Variants in TCF4 observed in about 807,000 individuals in gnomAD.
TCF4 encodes the protein SL3-3 enhancer factor 2.
TCF4 carries 3 observed loss-of-function variants against 82.1 expected under a neutral mutation model. The observed-to-expected ratio is 0.04, with a 90% CI of 0.02 to 0.09. TCF4 has a LOEUF of 0.09. TCF4 is among the 10% of genes least tolerant of loss of function. TCF4 has a pLI of 1.00. For missense variants in TCF4, 518 were observed against 852.7 expected (o/e 0.61, Z 4.89); for synonymous variants, 276 against 309.6 (o/e 0.89, Z 1.14).
At chr18:55,425,796 C>A (rs1389204708) in intron 5 of TCF4, among the ~76,000 whole-genome samples, 1 of 152,104 alleles carries the variant, frequency 6.6e-6, no homozygotes, top group Non-Finnish European at 1.5e-5. Flanking sequence ...ACAGAGATTT[C>A]ATTTCTTTTG....
chr18:55,302,074 G>A (rs892291444), intron 8 of TCF4, among the ~76,000 whole-genome samples: 7 of 152,180 alleles, frequency 4.6e-5, no homozygotes, highest in Non-Finnish European at 8.8e-5. Context: ...TATTAACTCC[G>A]TCCGTTTGCC....
chr18:55,550,280 G>A (rs1437793750), intron 3 of TCF4: 1 of 152,132 alleles, frequency 6.6e-6, no homozygotes, highest in Non-Finnish European at 1.5e-5. Context: ...CAAACTGGTT[G>A]CTACTTTAAT....
At chr18:55,454,259 C>T (rs1471478770) in intron 5 of TCF4, among the ~76,000 whole-genome samples, 1 of 152,122 alleles carries the variant, frequency 6.6e-6, no homozygotes, top group African/African-American at 2.4e-5. Context: ...TGGCCCGTTT[C>T]CTATCTTGGC....
At chr18:55,322,092 C>CTTTTTTTTTTT (rs374155330) in intron 8 of TCF4, 1 of 920,770 alleles carries the variant, frequency 1.1e-6, no homozygotes. Flanking sequence ...TTTTTCTTTT[C>CTTTTTTTTTTT]TTTTTTTTTT....
chr18:55,632,168 A>G (rs1432654815), intron 1 of TCF4, among the ~76,000 whole-genome samples: 1 of 152,066 alleles, frequency 6.6e-6, no homozygotes. Context: ...CCTCCCGACT[A>G]GCTGGGACTA....
chr18:55,327,320 C>G (rs952947317), intron 8 of TCF4, among the ~76,000 whole-genome samples: 4 of 151,934 alleles, frequency 2.6e-5, no homozygotes, highest in Admixed American at 2.0e-4. Context: ...AGATAAAGCA[C>G]AAATCATCTC....
At chr18:55,515,426 C>T (rs527907601) in intron 3 of TCF4, among the ~76,000 whole-genome samples, 7 of 152,262 alleles carry the variant, frequency 4.6e-5, no homozygotes, top group African/African-American at 1.2e-4. Context: ...ACTACAGTTC[C>T]GTCAGGAAGA....
chr18:55,400,975 A>G, intron 6 of TCF4: 1 of 1,289,038 alleles, frequency 7.8e-7, no homozygotes, highest in Non-Finnish European at 1.0e-6. Context: ...AAGAAAACAA[A>G]AGCCTCCCCT....
intron 3 of TCF4, among the ~76,000 whole-genome samples, chr18:55,512,972 G>A (rs2146323457): frequency 6.6e-6 from 1 of 152,244 alleles, no homozygotes; most frequent in South Asian, 2.1e-4. Flanking sequence ...ATGACCTTCA[G>A]GATCAGGCCA....
At chr18:55,257,158 C>T (rs1391398085) in intron 14 of TCF4, among the ~76,000 whole-genome samples, 157 bp downstream of exon 14, 1 of 152,058 alleles carries the variant, frequency 6.6e-6, no homozygotes, top group Non-Finnish European at 1.5e-5. Flanking sequence ...TAGGAGCAAG[C>T]ATAGGCTAAT....
At chr18:55,307,187 A>T (rs2070659952) in intron 8 of TCF4, among the ~76,000 whole-genome samples, 1 of 152,254 alleles carries the variant, frequency 6.6e-6, no homozygotes, top group South Asian at 2.1e-4. Flanking sequence ...CCATTTCAGG[A>T]TTTAACATCA....
chr18:55,580,742 A>ATGTGTGTGTGTG (rs5825144), intron 3 of TCF4, among the ~76,000 whole-genome samples: 88 of 145,382 alleles, frequency 6.1e-4, no homozygotes, highest in Non-Finnish European at 5.8e-4. Flanking sequence ...GAGCTGTCTG[A>ATGTGTGTGTGTG]TGTGTGTGTG....
At chr18:55,311,942 A>G (rs1375280345) in intron 8 of TCF4, among the ~76,000 whole-genome samples, 1 of 152,152 alleles carries the variant, frequency 6.6e-6, no homozygotes, top group African/African-American at 2.4e-5. Flanking sequence ...ACTTTCTCCA[A>G]TCCAGCCATA....
At chr18:55,357,618 T>C (rs2083897257) in intron 6 of TCF4, among the ~76,000 whole-genome samples, 3 of 152,230 alleles carry the variant, frequency 2.0e-5, no homozygotes, top group Admixed American at 2.0e-4. Flanking sequence ...GTTGCTATTT[T>C]AGCAAAATAA....
At chr18:55,321,624 C>A (rs749525055) in intron 8 of TCF4, 60 of 1,535,966 alleles carry the variant, frequency 3.9e-5, no homozygotes, top group Non-Finnish European at 6.1e-6. Flanking sequence ...ATCCCTGCGA[C>A]AATAAAACTT....
At chr18:55,382,498 G>T (rs1205170397) in intron 6 of TCF4, among the ~76,000 whole-genome samples, 1 of 152,024 alleles carries the variant, frequency 6.6e-6, no homozygotes, top group African/African-American at 2.4e-5. Context: ...TGAAAAAAAA[G>T]TCTTAGAATT....
chr18:55,561,186 CTCTG>C (rs1434963747), intron 3 of TCF4, among the ~76,000 whole-genome samples: 1 of 152,256 alleles, frequency 6.6e-6, no homozygotes, highest in Non-Finnish European at 1.5e-5. Flanking sequence ...ACTGCTCAAA[CTCTG>C]TGCAGGTCTC....
chr18:55,458,755 C>T (rs1172074988), intron 5 of TCF4, among the ~76,000 whole-genome samples: 3 of 152,134 alleles, frequency 2.0e-5, no homozygotes, highest in Non-Finnish European at 4.4e-5. Flanking sequence ...GCATAAGAGT[C>T]AATTCTCTTA....
At chr18:55,454,900 T>C (rs1308384244) in intron 5 of TCF4, among the ~76,000 whole-genome samples, 1 of 151,956 alleles carries the variant, frequency 6.6e-6, no homozygotes, top group Non-Finnish European at 1.5e-5. Flanking sequence ...GAAAACTCAA[T>C]TCTTGGCTGG....
Sources: gnomAD v4.1 joint callset for allele counts (sites outside exome capture counted in the v4.1 genomes callset) on GRCh38, gnomAD v4.1.1 for gene constraint, MANE v1.5 for transcripts, NCBI Gene and HGNC (gene_info 2026-07-23, HGNC 2026-07-21) for gene names.